SOAT2: variants seen among roughly 807,000 people sequenced by gnomAD.
The protein encoded by SOAT2 is sterol O-acyltransferase 2.
Under a neutral mutation model 76.0 loss-of-function variants are expected in SOAT2, and 87 were observed. The ratio of observed to expected loss-of-function variants is 1.14; its 90% CI spans 0.96 to 1.37. The LOEUF (loss-of-function observed/expected upper bound fraction) is 1.37, where lower values mean the gene tolerates loss of function less well. Among genes scored for constraint, SOAT2 ranks in the 40% most tolerant of loss-of-function variants. The pLI, the probability that SOAT2 is intolerant of heterozygous loss-of-function variation, is 0.00. For synonymous variants in SOAT2, 285 were observed against 275.4 expected, an observed-to-expected ratio of 1.03 and a Z score of -0.34; for missense variants, 686 against 682.1, an observed-to-expected ratio of 1.01 and a Z score of -0.06.
Position 53,104,187 on chromosome 12 carries a change from A to G in SOAT2, c.119A>G (p.Gln40Arg). The change falls in exon 2 of 15, where the codon CAA becomes CGA. Residue 40 changes from glutamine (Q) to arginine (R), a missense_variant. Gln to Arg is a conservative substitution (Grantham distance 43, BLOSUM62 1). Transcript: ENST00000301466. ...ACGCACAGAGCCCCGGACTTGGTACAATGGACCCGACACATGGAGGTGAGG... is the reference window on the plus strand; with the variant it reads ...ACGCACAGAGCCCCGGACTTGGTACGATGGACCCGACACATGGAGGTGAGG... ...TETHRAPDLV[Q>R]WTRHMEAVKA... is the part of the protein sequence containing the mutation. 1 of 1,613,394 alleles carries G rather than the reference A, an allele frequency of 6.2e-7. No individual in the cohort carries two copies. The highest frequency in any genetic ancestry group is 8.5e-7 in the Non-Finnish European group (1 of 1,179,532).
At chr12:53,108,215 C>G (rs1261445561) in intron 5 of SOAT2, among the ~76,000 whole-genome samples, 1 of 152,112 alleles carries the variant, frequency 6.6e-6, no homozygotes, top group East Asian at 1.9e-4. Context: ...ACTTGGGGTT[C>G]CTGGCCTGTC....
At chr12:53,110,177 C>A (rs1937991672) in intron 5 of SOAT2, among the ~76,000 whole-genome samples, 1 of 152,222 alleles carries the variant, frequency 6.6e-6, no homozygotes, top group Non-Finnish European at 1.5e-5. Context: ...ATACACCTTG[C>A]ACATAAATTG....
chr12:53,119,268 G>T lies in SOAT2; in HGVS notation c.1039+15G>T. 1 of 1,613,660 alleles carries T rather than the reference G, an allele frequency of 6.2e-7. No homozygotes were observed. The highest frequency in any genetic ancestry group is 1.1e-5 in the South Asian group (1 of 91,030). On this transcript the variant is annotated intron_variant, in intron 10 of 14. Transcript: ENST00000301466. ...CACGTTGCCAGGTGAGCCAACTAAGGTAGGGCTAGAGCAGCTGTGCCCTGG... is the reference window on the plus strand; with the variant it reads ...CACGTTGCCAGGTGAGCCAACTAAGTTAGGGCTAGAGCAGCTGTGCCCTGG...
At chr12:53,123,000 C>T in intron 12 of SOAT2, 81 bp from the exon 13 acceptor site, 16 of 1,421,736 alleles carry the variant, frequency 1.1e-5, no homozygotes, top group Non-Finnish European at 1.2e-5. Flanking sequence ...GGCGGCTGGC[C>T]GGGCGGGGGG....
At chr12:53,122,323 T>G (rs1349738197) in intron 12 of SOAT2, among the ~76,000 whole-genome samples, 1 of 151,544 alleles carries the variant, frequency 6.6e-6, no homozygotes, top group Non-Finnish European at 1.5e-5. Context: ...GTCAACAACT[T>G]TAAACCCCAA....
At chr12:53,105,367 G>C (rs1222953273) in intron 3 of SOAT2, 124 bp downstream of exon 3, 1 of 1,331,766 alleles carries the variant, frequency 7.5e-7, no homozygotes, top group African/African-American at 1.5e-5. Context: ...TTCCCCCCTT[G>C]TCTTCCTAAC....
rs895618010 is a variant in SOAT2 at position 53,120,884 on chromosome 12, G to A, written c.1137+1G>A. ...ATTTGGAGACAGGATGTTCTACCGGGTGGGGCCTGGACCTAGGCCAGTTGG... is the reference window on the plus strand; with the variant it reads ...ATTTGGAGACAGGATGTTCTACCGGATGGGGCCTGGACCTAGGCCAGTTGG... On this transcript the variant is annotated splice_donor_variant, in intron 11 of 14. Coordinates refer to ENST00000301466, the MANE Select transcript of SOAT2 (RefSeq NM_003578.4). LOFTEE classifies it high-confidence loss of function. The A allele has an allele frequency of 3.1e-6, 5 of 1,613,108 alleles. No individual in the cohort carries two copies. The highest frequency in any genetic ancestry group is 4.2e-6 in the Non-Finnish European group (5 of 1,179,194).
chr12:53,103,609 A>G lies in SOAT2; in HGVS notation c.32A>G (p.Gln11Arg). Residue 11 changes from glutamine to arginine, a missense_variant, in exon 1 of 15, where the codon CAG (glutamine) becomes CGG (arginine). By Grantham distance (43) the Gln-to-Arg change is conservative. Transcript: ENST00000301466. MEPGGARLRL[Q>R]RTEGLGGERE... ...CCAGGCGGGGCCCGTCTGCGTCTGC[A>G]GAGGACAGAAGGGCTGGGAGGGGAG... is the stretch of plus-strand genomic sequence containing the variant. 6.5e-7 allele frequency: 1 copy of G among 1,546,686 alleles called. No homozygotes were observed. The highest frequency in any genetic ancestry group is 8.7e-7 in the Non-Finnish European group (1 of 1,146,584).
chr12:53,115,438 A>G lies in SOAT2; in HGVS notation c.492A>G (p.Pro164=). 4.3e-6 allele frequency: 7 copies of G among 1,612,118 alleles called. No individual in the cohort carries two copies. The highest frequency in any genetic ancestry group is 5.9e-6 in the Non-Finnish European group (7 of 1,179,406). Reference sequence around the variant, plus strand: ...TGATCTTCAGCTTCGGACAGCTGCCATTGGCGCTGGTGACCTGGGTGCCCA... The same window carrying G: ...TGATCTTCAGCTTCGGACAGCTGCCGTTGGCGCTGGTGACCTGGGTGCCCA... ...DLLIFSFGQL[P]LALVTWVPMF... Residue 164 remains proline, a synonymous_variant, in exon 6 of 15, where the codon CCA becomes CCG. Coordinates refer to ENST00000301466, the MANE Select transcript of SOAT2 (RefSeq NM_003578.4).
intron 11 of SOAT2, 105 bp from the exon 12 acceptor site, chr12:53,121,198 T>C: frequency 1.2e-6 from 1 of 833,592 alleles, no homozygotes; most frequent in East Asian, 2.5e-5. Context: ...AGCCAGCCCT[T>C]CTGGAACACT....
At chr12:53,116,243 G>C in intron 7 of SOAT2, 77 bp downstream of exon 7, 3 of 1,359,690 alleles carry the variant, frequency 2.2e-6, no homozygotes, top group Non-Finnish European at 3.1e-6. Flanking sequence ...GCAGGATCCT[G>C]ATAAAAGTCC....
intron 1 of SOAT2, 89 bp from the exon 2 acceptor site, chr12:53,104,062 A>C (rs549619029): frequency 9.1e-7 from 1 of 1,096,386 alleles, no homozygotes; most frequent in East Asian, 2.4e-5. Flanking sequence ...GCTGCTGAGC[A>C]CACAAAGCAT....
At chr12:53,107,476 T>C (rs1271873814) in intron 5 of SOAT2, among the ~76,000 whole-genome samples, 10 of 151,940 alleles carry the variant, frequency 6.6e-5, no homozygotes, top group African/African-American at 2.4e-4. Flanking sequence ...TTAGGAAGAA[T>C]GGGGGAAAAT....
At chr12:53,109,522 C>T (rs1937982434) in intron 5 of SOAT2, among the ~76,000 whole-genome samples, 1 of 152,058 alleles carries the variant, frequency 6.6e-6, no homozygotes, top group Non-Finnish European at 1.5e-5. Context: ...CACTCCGTCA[C>T]CCAGGCTGGA....
rs951900526 is a variant in SOAT2, at chr12:53,105,697, C to T, written c.335+77C>T. On this transcript the variant is annotated intron_variant, in intron 4 of 14. Coordinates refer to ENST00000301466, the MANE Select transcript of SOAT2 (RefSeq NM_003578.4). ...GGGGTCAAGGTACCTCATTTCTCAT[C>T]CCCAGCCTCTAGGTGGTTTGTGGAG... 6 of 1,327,002 alleles carry T rather than the reference C, an allele frequency of 4.5e-6. No homozygotes were observed. The East Asian group carries it at 1.4e-4, about 30-fold the overall frequency. The allele number at this position is 1,327,002 out of a possible 1,614,324, so 82.2% of individuals were successfully genotyped here.
At chr12:53,122,605 C>T (rs1347955070) in intron 12 of SOAT2, among the ~76,000 whole-genome samples, 1 of 151,880 alleles carries the variant, frequency 6.6e-6, no homozygotes, top group Non-Finnish European at 1.5e-5. Context: ...TCCATTTAAC[C>T]CTGAGTGGAC....
Position 53,119,351 on chromosome 12 carries a change from CCTT to C in SOAT2, c.1039+101_1039+103del, listed in dbSNP as rs370668677. ...CCTTCCCTCAGTTTCAACACGTTCT[CCTT>C]CTGAGTCTCTCCTCACATCTGTCCC... is the stretch of plus-strand genomic sequence containing the variant. On this transcript the variant is annotated intron_variant, in intron 10 of 14. Coordinates refer to ENST00000301466, the MANE Select transcript of SOAT2 (RefSeq NM_003578.4). 223 of 1,317,698 alleles carry C rather than the reference CCTT, an allele frequency of 1.7e-4. No homozygotes were observed. In the African/African-American group the frequency reaches 2.9e-3, roughly 17 times the overall value. 81.6% of individuals were successfully genotyped at this position (1,317,698 alleles called of 1,614,324 possible).
Position 53,118,939 on chromosome 12 carries a change from A to C in SOAT2, c.909+4A>C, listed in dbSNP as rs1246121820. On this transcript the variant is annotated splice_donor_region_variant and intron_variant, in intron 9 of 14. Coordinates refer to ENST00000301466, the MANE Select transcript of SOAT2 (RefSeq NM_003578.4). ...TGTGGCCAAGAACTTTGCCCAGGTG[A>C]GAAGATAGGGTAGAAGGGTGGACCT... is the stretch of plus-strand genomic sequence containing the variant. 1 of 1,614,096 alleles carries C rather than the reference A, an allele frequency of 6.2e-7. No homozygotes were observed.
At chr12:53,115,079 A>G (rs1592277569) in intron 5 of SOAT2, among the ~76,000 whole-genome samples, 1 of 152,204 alleles carries the variant, frequency 6.6e-6, no homozygotes, top group African/African-American at 2.4e-5. Flanking sequence ...CTCCAAAGGA[A>G]TAAAACTAAG....
Sources: allele counts gnomAD v4.1 joint callset (sites outside exome capture counted in the v4.1 genomes callset), GRCh38; gene constraint gnomAD v4.1.1; transcripts MANE v1.5; gene names NCBI Gene and HGNC (gene_info 2026-07-23, HGNC 2026-07-21).